CAMTA1: variants seen among roughly 807,000 people sequenced by gnomAD.
The protein encoded by CAMTA1 is calmodulin-binding transcription activator 1.
Under a neutral mutation model 170.9 loss-of-function variants are expected in CAMTA1, and 27 were observed. The ratio of observed to expected loss-of-function variants is 0.16; its 90% CI spans 0.12 to 0.22. The LOEUF (loss-of-function observed/expected upper bound fraction) is 0.22. Ranked by LOEUF, CAMTA1 falls within the 10% of genes least tolerant of loss-of-function variation. The pLI is 1.00. For synonymous variants in CAMTA1, 833 were observed against 891.5 expected (o/e 0.93, Z 1.17); for missense variants, 1,619 against 2,217.2 (o/e 0.73, Z 5.42).
At chr1:7,604,584 A>AT (rs925652862) in intron 6 of CAMTA1, among the ~76,000 whole-genome samples, 1 of 151,726 alleles carries the variant, frequency 6.6e-6, no homozygotes, top group African/African-American at 2.4e-5. Flanking sequence ...CATTCATCTA[A>AT]TTTTTTTTCA....
At chr1:7,491,086 CA>C (rs959763552) in intron 6 of CAMTA1, among the ~76,000 whole-genome samples, 1 of 152,136 alleles carries the variant, frequency 6.6e-6, no homozygotes, top group African/African-American at 2.4e-5. Flanking sequence ...CCTTCCAAAA[CA>C]AAAAGGAGGC....
intron 4 of CAMTA1, among the ~76,000 whole-genome samples, chr1:7,100,066 C>T (rs1286295776): frequency 3.3e-5 from 5 of 152,132 alleles, no homozygotes; most frequent in Admixed American, 3.3e-4. Context: ...TGCTTCCCAC[C>T]CCATTCCTAA....
chr1:7,533,331 G>C (rs2094513112), intron 6 of CAMTA1, among the ~76,000 whole-genome samples: 1 of 152,206 alleles, frequency 6.6e-6, no homozygotes, highest in South Asian at 2.1e-4. Flanking sequence ...GGTGGGCCAG[G>C]GTTACCTGCC....
intron 6 of CAMTA1, among the ~76,000 whole-genome samples, chr1:7,595,499 C>T (rs905634370): frequency 1.3e-5 from 2 of 152,150 alleles, no homozygotes; most frequent in Non-Finnish European, 2.9e-5. Flanking sequence ...TGTTTCCTCC[C>T]GCGGCTCTGC....
At chr1:7,612,225 T>C (rs1237011923) in intron 6 of CAMTA1, among the ~76,000 whole-genome samples, 1 of 152,146 alleles carries the variant, frequency 6.6e-6, no homozygotes, top group Non-Finnish European at 1.5e-5. Flanking sequence ...GGGGATTTGA[T>C]TGAGTGGTGG....
At chr1:7,340,332 C>T (rs776076399) in intron 5 of CAMTA1, among the ~76,000 whole-genome samples, 4 of 152,116 alleles carry the variant, frequency 2.6e-5, no homozygotes, top group African/African-American at 7.2e-5. Flanking sequence ...TTCCTGCCCC[C>T]ACTAGCCTAC....
chr1:7,500,755 C>T (rs767102107), intron 6 of CAMTA1, among the ~76,000 whole-genome samples: 13 of 152,104 alleles, frequency 8.5e-5, no homozygotes, highest in Non-Finnish European at 1.8e-4. Flanking sequence ...TCCCTTGCCT[C>T]AGAGTCTGCG....
intron 6 of CAMTA1, among the ~76,000 whole-genome samples, chr1:7,542,838 A>AGTTTGT (rs745940570): frequency 4.8e-4 from 27 of 56,022 alleles, no homozygotes; most frequent in Middle Eastern, 7.6e-3. Context: ...CCTAAAACAC[A>AGTTTGT]GTGTGTGTGT....
intron 3 of CAMTA1, among the ~76,000 whole-genome samples, chr1:7,088,882 A>C (rs1295688182): frequency 6.6e-6 from 1 of 152,244 alleles, no homozygotes; most frequent in African/African-American, 2.4e-5. Flanking sequence ...TACTGACTCC[A>C]GCCGCAGTGT....
At chr1:6,882,811 T>C (rs1671991151) in intron 3 of CAMTA1, among the ~76,000 whole-genome samples, 1 of 152,090 alleles carries the variant, frequency 6.6e-6, no homozygotes, top group South Asian at 2.1e-4. Flanking sequence ...CATGGAGCCC[T>C]GGGACACCCA....
chr1:6,923,366 A>G (rs759506463), intron 3 of CAMTA1, among the ~76,000 whole-genome samples: 15 of 152,140 alleles, frequency 9.9e-5, no homozygotes, highest in Non-Finnish European at 1.6e-4. Context: ...TCTCTTTTCA[A>G]TCCCCATTCC....
At chr1:7,140,795 G>C (rs115147323) in intron 4 of CAMTA1, among the ~76,000 whole-genome samples, 1,843 of 152,238 alleles carry the variant, frequency 0.012, 26 homozygotes, top group Non-Finnish European at 0.018. Context: ...AGATGTACCG[G>C]TATGTTAAAC....
intron 5 of CAMTA1, among the ~76,000 whole-genome samples, chr1:7,389,097 GCT>G (rs2088382765): frequency 6.6e-6 from 1 of 152,206 alleles, no homozygotes; most frequent in East Asian, 1.9e-4. Context: ...CGGCTGCCTG[GCT>G]CTGACTGTCA....
At chr1:6,790,958 T>A (rs925959418) in intron 1 of CAMTA1, among the ~76,000 whole-genome samples, 2 of 152,216 alleles carry the variant, frequency 1.3e-5, no homozygotes, top group Admixed American at 6.5e-5. Context: ...TTGTGAAAAC[T>A]CCTGTGTGAG....
At chr1:7,621,977 C>T (rs370510241) in intron 6 of CAMTA1, among the ~76,000 whole-genome samples, 8 of 152,206 alleles carry the variant, frequency 5.3e-5, no homozygotes, top group South Asian at 2.1e-4. Context: ...CTTGCAATCC[C>T]GTCAAGTCTT....
intron 3 of CAMTA1, among the ~76,000 whole-genome samples, chr1:6,910,337 CTG>C (rs1679431755): frequency 6.6e-6 from 1 of 152,262 alleles, no homozygotes; most frequent in Middle Eastern, 3.2e-3. Flanking sequence ...AGTATGGCAA[CTG>C]TTTTTTTCTT....
intron 3 of CAMTA1, among the ~76,000 whole-genome samples, chr1:7,018,373 G>A (rs1388692344): frequency 1.3e-5 from 2 of 152,280 alleles, no homozygotes; most frequent in Non-Finnish European, 2.9e-5. Flanking sequence ...TGCTTATGAT[G>A]TAGGGGTTGA....
At chr1:7,208,767 A>G (rs750388504) in intron 4 of CAMTA1, among the ~76,000 whole-genome samples, 2 of 152,188 alleles carry the variant, frequency 1.3e-5, no homozygotes, top group African/African-American at 4.8e-5. Context: ...TAACTTGACT[A>G]TGTGGGCTGA....
At chr1:7,626,179 A>C (rs2095632486) in intron 6 of CAMTA1, among the ~76,000 whole-genome samples, 1 of 152,142 alleles carries the variant, frequency 6.6e-6, no homozygotes, top group Admixed American at 6.5e-5. Context: ...GATTCCCTCT[A>C]AAACAATTGC....
Sources: allele counts gnomAD v4.1 joint callset (sites outside exome capture counted in the v4.1 genomes callset), GRCh38; gene constraint gnomAD v4.1.1; transcripts MANE v1.5; gene names NCBI Gene and HGNC (gene_info 2026-07-23, HGNC 2026-07-21).